The following SSBP3 variants were observed in gnomAD, a reference collection of about 807,000 sequenced individuals.
SSBP3 encodes the protein single-stranded DNA-binding protein 3.
In SSBP3, 5 loss-of-function variants were observed where a neutral mutation model predicts 69.6. That is an observed-to-expected ratio of 0.07 (90% CI 0.04 to 0.15). The LOEUF (loss-of-function observed/expected upper bound fraction) is 0.15. Ranked by LOEUF, SSBP3 falls within the 10% of genes least tolerant of loss-of-function variation. The probability of loss-of-function intolerance (pLI) is 1.00; values close to 1 mark genes in which losing one functional copy is unlikely to be tolerated. For synonymous variants in SSBP3, 196 were observed against 193.4 expected, an observed-to-expected ratio of 1.01 and a Z score of -0.11; for missense variants, 312 against 534.0, an observed-to-expected ratio of 0.58 and a Z score of 4.10.
upstream of SSBP3, among the ~76,000 whole-genome samples, chr1:54,411,298 T>C (rs1457686545): frequency 6.6e-6 from 1 of 151,670 alleles, no homozygotes; most frequent in Non-Finnish European, 1.5e-5. Context: ...GCCAACATGG[T>C]GAAACCCCGT....
In SSBP3 at chr1:54,258,554, C is replaced by A. The variant is rs1372436363; in HGVS notation, c.367-405G>T. ...GTGCAAAGCACGTAGGTGCCGCTTG[C>A]ACGGGAGGTGGGGAAAGATCGGGAA... On this transcript the variant is annotated intron_variant, in intron 5 of 17. Coordinates refer to ENST00000610401, the Ensembl canonical transcript of SSBP3. This position sits in a 1 kb window ranked among gnomAD's most constrained non-coding sequence, Gnocchi z 4.5. Among the ~76,000 whole-genome samples the A allele has an allele frequency of 6.6e-6, 1 of 152,298 alleles. No individual in the cohort carries two copies. The highest frequency in any genetic ancestry group is 1.9e-4 in the East Asian group (1 of 5,182).
At chr1:54,241,495 G>A in exon 12 of SSBP3, 1 of 1,614,110 alleles carries the variant, frequency 6.2e-7, no homozygotes, top group Non-Finnish European at 8.5e-7. Context: ...CAGGTGATGA[G>A]GAGGAGTATG....
upstream of SSBP3, among the ~76,000 whole-genome samples, chr1:54,409,676 A>G (rs1649937970): frequency 6.6e-6 from 1 of 152,146 alleles, no homozygotes; most frequent in Non-Finnish European, 1.5e-5. Flanking sequence ...CAGAATGGCT[A>G]TGCCATTTCA....
chr1:54,291,379 C>T (rs924250697), intron 4 of SSBP3, among the ~76,000 whole-genome samples: 36 of 152,178 alleles, frequency 2.4e-4, no homozygotes, highest in Non-Finnish European at 1.2e-4. Context: ...CCCAACACTG[C>T]CTCTTCTGTG....
At chr1:54,232,353 C>T (rs938807852) in intron 14 of SSBP3, among the ~76,000 whole-genome samples, 8 of 152,120 alleles carry the variant, frequency 5.3e-5, no homozygotes, top group Non-Finnish European at 1.0e-4. Flanking sequence ...CTAGAGTGCA[C>T]TCAAGTGATC....
At chr1:54,362,393 T>C (rs1646963664) in intron 4 of SSBP3, among the ~76,000 whole-genome samples, 1 of 152,124 alleles carries the variant, frequency 6.6e-6, no homozygotes, top group Non-Finnish European at 1.5e-5. Flanking sequence ...CATCCTCTCT[T>C]CCCCAAGAAA....
chr1:54,248,892 G>T (rs1644777406), intron 9 of SSBP3, among the ~76,000 whole-genome samples: 1 of 152,220 alleles, frequency 6.6e-6, no homozygotes, highest in African/African-American at 2.4e-5. Flanking sequence ...AAGAGCAGGA[G>T]ATATGCTTCC....
At chr1:54,283,442 A>G (rs1569604155) in intron 4 of SSBP3, among the ~76,000 whole-genome samples, 1 of 152,206 alleles carries the variant, frequency 6.6e-6, no homozygotes, top group East Asian at 1.9e-4. Flanking sequence ...ACTAAGTGGG[A>G]TGACTGTGGG....
At chr1:54,226,818 CA>C (rs1183273843) in exon 18 of SSBP3, 1 of 299,390 alleles carries the variant, frequency 3.3e-6, no homozygotes, top group African/African-American at 2.3e-5. Context: ...CAAAAAACAA[CA>C]AAAAAGTGTC....
At chr1:54,331,624 C>T (rs1168062180) in intron 4 of SSBP3, among the ~76,000 whole-genome samples, 3 of 152,218 alleles carry the variant, frequency 2.0e-5, no homozygotes, top group African/African-American at 7.2e-5. Flanking sequence ...TTTGCCTGTG[C>T]CGGGCTATCA....
intron 5 of SSBP3, among the ~76,000 whole-genome samples, chr1:54,260,214 G>C (rs945155546): frequency 1.3e-5 from 2 of 152,218 alleles, no homozygotes; most frequent in Non-Finnish European, 2.9e-5. Flanking sequence ...GAAAAGAACA[G>C]AGGAGGAAGG....
chr1:54,380,675 A>G (rs1647559450), intron 4 of SSBP3, among the ~76,000 whole-genome samples: 1 of 152,154 alleles, frequency 6.6e-6, no homozygotes, highest in South Asian at 2.1e-4. Flanking sequence ...CTCACCGGAA[A>G]AGGTGGCATT....
chr1:54,242,121 C>G (rs777214793), intron 11 of SSBP3, 43 bp downstream of exon 11: 1 of 1,609,146 alleles, frequency 6.2e-7, no homozygotes, highest in South Asian at 1.1e-5. Context: ...CACCCAGAAC[C>G]GCTCCCCTGA....
rs181604782 is a variant in SSBP3, at chr1:54,379,935, G to A, written c.276+21926C>T. On this transcript the variant is annotated intron_variant, in intron 4 of 17. Coordinates refer to ENST00000610401, the Ensembl canonical transcript of SSBP3. ...TCACTCTGTGCCTCACACTGGGAGC[G>A]CACTCATTTTTTGGGGCTGGGAAAG... 1.9e-3 allele frequency among the ~76,000 whole-genome samples: 292 copies of A among 152,306 alleles called. 16 individuals are homozygous for A. The South Asian group carries it at 0.041, about 21-fold the overall frequency.
intron 4 of SSBP3, among the ~76,000 whole-genome samples, chr1:54,328,611 A>T (rs1646351938): frequency 6.6e-6 from 1 of 152,156 alleles, no homozygotes; most frequent in South Asian, 2.1e-4. Flanking sequence ...CAGTGTTTTG[A>T]CATCTTCACT....
chr1:54,356,265 G>A (rs1393846232), intron 4 of SSBP3: 1 of 152,204 alleles, frequency 6.6e-6, no homozygotes, highest in Non-Finnish European at 1.5e-5. Flanking sequence ...CAAGAAAAAA[G>A]AAAACCAGCA....
exon 1 of SSBP3, chr1:54,406,152 G>T: frequency 1.8e-6 from 1 of 561,936 alleles, no homozygotes. Flanking sequence ...TCCTCGCCGC[G>T]CTCCCCTCCC....
intron 4 of SSBP3, among the ~76,000 whole-genome samples, chr1:54,384,995 C>T (rs1029643427): frequency 9.2e-5 from 14 of 152,188 alleles, no homozygotes; most frequent in African/African-American, 3.1e-4. Flanking sequence ...TGCCTGTCCA[C>T]GTCTCCAGAG....
intron 4 of SSBP3, among the ~76,000 whole-genome samples, chr1:54,303,967 G>A (rs1005084047): frequency 1.3e-5 from 2 of 152,150 alleles, no homozygotes; most frequent in East Asian, 1.9e-4. Context: ...ACCAGACAGC[G>A]CTGCTCCACA....
Sources: allele counts gnomAD v4.1 joint callset (sites outside exome capture counted in the v4.1 genomes callset), GRCh38; gene constraint gnomAD v4.1.1; non-coding constraint Gnocchi (gnomAD v3.1); transcripts MANE v1.5; gene names NCBI Gene and HGNC (gene_info 2026-07-23, HGNC 2026-07-21).